Variants in ARHGEF28 observed in about 807,000 individuals in gnomAD.
ARHGEF28 encodes 190 kDa guanine nucleotide exchange factor.
In ARHGEF28, 152 loss-of-function variants were observed where a neutral mutation model predicts 206.6. The ratio of observed to expected loss-of-function variants is 0.74; its 90% CI spans 0.64 to 0.84. The LOEUF (loss-of-function observed/expected upper bound fraction) is 0.84, where lower values mean the gene tolerates loss of function less well. Among genes scored for constraint, ARHGEF28 ranks in the 40% least tolerant of loss-of-function variants. The pLI, the probability that ARHGEF28 is intolerant of heterozygous loss-of-function variation, is 0.00. For synonymous variants in ARHGEF28, 763 were observed against 776.4 expected, an observed-to-expected ratio of 0.98 and a Z score of 0.29; for missense variants, 2,028 against 2,073.2, an observed-to-expected ratio of 0.98 and a Z score of 0.42.
At chr5:73,647,065 C>G (rs1744480675) in intron 1 of ARHGEF28, among the ~76,000 whole-genome samples, 1 of 152,164 alleles carries the variant, frequency 6.6e-6, no homozygotes, top group Non-Finnish European at 1.5e-5. Flanking sequence ...TTGAGCATGA[C>G]TAATCTAAAT....
chr5:73,908,542 T>C (rs1762674109), intron 33 of ARHGEF28: 1 of 152,216 alleles, frequency 6.6e-6, no homozygotes, highest in Non-Finnish European at 1.5e-5. Context: ...TCCAAGGGCA[T>C]TCACAGAGAT....
intron 7 of ARHGEF28, among the ~76,000 whole-genome samples, chr5:73,787,580 C>T (rs567272121): frequency 6.6e-6 from 1 of 152,254 alleles, no homozygotes; most frequent in South Asian, 2.1e-4. Flanking sequence ...CGTTCCCCTC[C>T]CTGTGTCCAC....
chr5:73,929,141 C>T (rs1380722129), intron 35 of ARHGEF28, among the ~76,000 whole-genome samples: 2 of 152,106 alleles, frequency 1.3e-5, no homozygotes, highest in Admixed American at 6.5e-5. Flanking sequence ...TTGACTTTGA[C>T]ATATTTCTTG....
chr5:73,815,387 GA>G (rs1457606369), intron 9 of ARHGEF28, among the ~76,000 whole-genome samples: 4 of 152,180 alleles, frequency 2.6e-5, no homozygotes, highest in Non-Finnish European at 5.9e-5. Flanking sequence ...CTGTAAGTTT[GA>G]AATTATTCCT....
chr5:73,862,028 A>G (rs891169182), intron 16 of ARHGEF28, among the ~76,000 whole-genome samples: 5 of 152,180 alleles, frequency 3.3e-5, no homozygotes, highest in African/African-American at 1.2e-4. Context: ...AATCTTAAAA[A>G]CAAGATATGA....
At chr5:73,842,346 T>C (rs1473085165) in intron 11 of ARHGEF28, among the ~76,000 whole-genome samples, 1 of 152,184 alleles carries the variant, frequency 6.6e-6, no homozygotes, top group Non-Finnish European at 1.5e-5. Context: ...GGAGTTAATA[T>C]AGAGGGGAGA....
At position 73,696,041 on chromosome 5, in the gene ARHGEF28, G is replaced by A. The variant is rs541344323; in HGVS notation, c.33+11157G>A. On this transcript the variant is annotated intron_variant, in intron 2 of 35. Coordinates refer to ENST00000513042, the MANE Select transcript of ARHGEF28 (RefSeq NM_001177693.2). ...ACCTTGGATAGCTATGCATTTGGCC[G>A]TGCATCCTCTCCTGAACGCAGATTG... 2.8e-4 allele frequency among the ~76,000 whole-genome samples: 42 copies of A among 152,250 alleles called. 1 individual carries two copies. Among genetic ancestry groups the A allele is most frequent in the South Asian group, 2.5e-3 (12 of 4,818 alleles).
chr5:73,644,059 A>G (rs1380824001), intron 1 of ARHGEF28, among the ~76,000 whole-genome samples: 13 of 90,620 alleles, frequency 1.4e-4, no homozygotes, highest in South Asian at 4.6e-4. Flanking sequence ...ACAGCATCAG[A>G]TGCACTAGGT....
intron 1 of ARHGEF28, among the ~76,000 whole-genome samples, chr5:73,652,084 G>A (rs1362826259): frequency 6.6e-6 from 1 of 151,624 alleles, no homozygotes; most frequent in African/African-American, 2.4e-5. Flanking sequence ...GTTGCAAAGA[G>A]GTTTGAGAAC....
At chr5:73,637,399 G>A (rs778656750) in intron 1 of ARHGEF28, among the ~76,000 whole-genome samples, 3 of 152,100 alleles carry the variant, frequency 2.0e-5, no homozygotes, top group Non-Finnish European at 4.4e-5. Context: ...TAGCAAATCT[G>A]TAAAACCTCT....
intron 34 of ARHGEF28, among the ~76,000 whole-genome samples, chr5:73,910,421 C>T (rs1048985622): frequency 8.5e-5 from 12 of 141,448 alleles, no homozygotes; most frequent in African/African-American, 3.2e-4. Flanking sequence ...AATGTGAGGG[C>T]CCAAGTCCTA....
chr5:73,684,969 T>C lies in ARHGEF28; in HGVS notation c.33+85T>C. ...TGACTGAAGTGGGGAGAAATGTTTTTCTTGCTATTGAGTTAAGGCTTTTTA... is the reference window on the plus strand; with the variant it reads ...TGACTGAAGTGGGGAGAAATGTTTTCCTTGCTATTGAGTTAAGGCTTTTTA... On this transcript the variant is annotated intron_variant, in intron 2 of 35. Coordinates refer to ENST00000513042, the MANE Select transcript of ARHGEF28 (RefSeq NM_001177693.2). 2.1e-6 allele frequency: 3 copies of C among 1,443,004 alleles called. No individual in the cohort carries two copies. In the Admixed American group the frequency reaches 5.6e-5, roughly 27 times the overall value. 89.4% of individuals were successfully genotyped at this position (1,443,004 alleles called of 1,614,324 possible).
intron 2 of ARHGEF28, among the ~76,000 whole-genome samples, chr5:73,738,117 A>T (rs112232223): frequency 5.3e-5 from 8 of 152,284 alleles, no homozygotes; most frequent in African/African-American, 1.7e-4. Context: ...GAGTTCATTG[A>T]TTCTGATCCT....
At chr5:73,688,533 G>T (rs1747609296) in intron 2 of ARHGEF28, among the ~76,000 whole-genome samples, 1 of 152,144 alleles carries the variant, frequency 6.6e-6, no homozygotes, top group Non-Finnish European at 1.5e-5. Flanking sequence ...GATTGATAAA[G>T]AACATTTTTT....
At chr5:73,922,420 C>T (rs192667285) in intron 35 of ARHGEF28, among the ~76,000 whole-genome samples, 3 of 152,324 alleles carry the variant, frequency 2.0e-5, no homozygotes, top group East Asian at 1.9e-4. Flanking sequence ...GATAGGATAG[C>T]GTGACATCAG....
At position 73,655,224 on chromosome 5, in the gene ARHGEF28, G is replaced by A. The variant is rs1282419834; in HGVS notation, c.-12+28902G>A. 1.3e-5 allele frequency among the ~76,000 whole-genome samples: 2 copies of A among 152,164 alleles called. 1 individual carries two copies. Among genetic ancestry groups the A allele is most frequent in the South Asian group, 4.1e-4 (2 of 4,826 alleles). The stretch of plus-strand genomic sequence containing the variant: ...CATATTTTCTCCTTGGGTTTGTCAT[G>A]CTCTGAGCTTGCACAACAACTAGGA... On this transcript the variant is annotated intron_variant, in intron 1 of 35. Coordinates refer to ENST00000513042, the MANE Select transcript of ARHGEF28 (RefSeq NM_001177693.2).
intron 10 of ARHGEF28, among the ~76,000 whole-genome samples, chr5:73,838,241 A>G (rs991402972): frequency 3.0e-5 from 4 of 134,982 alleles, no homozygotes; most frequent in Non-Finnish European, 6.2e-5. Flanking sequence ...CACAAAGTCC[A>G]TTATATTAGC....
chr5:73,654,514 A>G (rs1382995793), intron 1 of ARHGEF28, among the ~76,000 whole-genome samples: 3 of 152,194 alleles, frequency 2.0e-5, no homozygotes, highest in African/African-American at 7.2e-5. Context: ...CTGGGGCTGA[A>G]AGTCTGAAAG....
At chr5:73,917,416 T>G (rs1561193923) in intron 35 of ARHGEF28, among the ~76,000 whole-genome samples, 1 of 152,186 alleles carries the variant, frequency 6.6e-6, no homozygotes, top group Non-Finnish European at 1.5e-5. Context: ...CATCGACAAG[T>G]GGAGATGATT....
Sources: allele counts gnomAD v4.1 joint callset (sites outside exome capture counted in the v4.1 genomes callset), GRCh38; gene constraint gnomAD v4.1.1; transcripts MANE v1.5; gene names NCBI Gene and HGNC (gene_info 2026-07-23, HGNC 2026-07-21).